DOCK3: variants seen among roughly 807,000 people sequenced by gnomAD.
DOCK3 encodes the protein dedicator of cytokinesis 3.
In DOCK3, 60 loss-of-function variants were observed where a neutral mutation model predicts 265.6. The ratio of observed to expected loss-of-function variants is 0.23; its 90% CI spans 0.18 to 0.28. The LOEUF (loss-of-function observed/expected upper bound fraction) is 0.28. Among genes scored for constraint, DOCK3 ranks in the 10% least tolerant of loss-of-function variants. The probability of loss-of-function intolerance (pLI) is 1.00; values close to 1 mark genes in which losing one functional copy is unlikely to be tolerated. For missense variants in DOCK3, 1,981 were observed against 2,594.3 expected (o/e 0.76, Z 5.14); for synonymous variants, 881 against 938.0 (o/e 0.94, Z 1.11).
intron 4 of DOCK3, chr3:50,901,035 G>A (rs899451975): frequency 3.0e-6 from 1 of 335,076 alleles, no homozygotes; most frequent in South Asian, 2.3e-5. Context: ...CTTCAGAACA[G>A]ACAGGCTGGA....
intron 9 of DOCK3, among the ~76,000 whole-genome samples, chr3:51,107,083 G>A (rs1265729410): frequency 6.6e-6 from 1 of 152,090 alleles, no homozygotes; most frequent in African/African-American, 2.4e-5. Flanking sequence ...CATTATAGAA[G>A]TCCTGAGCTG....
At position 50,972,004 on chromosome 3, in the gene DOCK3, C is replaced by G. The variant is rs9879725; in HGVS notation, c.315+37927C>G. ...CCCTGTCATGCTCTTGTCCAGTGCT[C>G]GGAACACTCAGATTGGACAGACAAT... On this transcript the variant is annotated intron_variant, in intron 5 of 52. Transcript: ENST00000266037. Among the ~76,000 whole-genome samples the G allele has an allele frequency of 1.3e-3, 193 of 152,286 alleles. 1 individual carries two copies. The highest frequency in any genetic ancestry group is 1.9e-3 in the Non-Finnish European group (130 of 68,020).
At chr3:51,008,667 G>C (rs1201608738) in intron 5 of DOCK3, among the ~76,000 whole-genome samples, 1 of 152,088 alleles carries the variant, frequency 6.6e-6, no homozygotes, top group Non-Finnish European at 1.5e-5. Context: ...ACACTATGTT[G>C]ACTAGAGAGG....
chr3:51,178,354 A>G (rs1353380768), intron 12 of DOCK3, among the ~76,000 whole-genome samples: 1 of 152,164 alleles, frequency 6.6e-6, no homozygotes, highest in Non-Finnish European at 1.5e-5. Context: ...ATGGCATGTG[A>G]CATCACCACT....
intron 5 of DOCK3, among the ~76,000 whole-genome samples, chr3:50,959,170 A>T (rs1392431216): frequency 1.3e-5 from 2 of 152,172 alleles, no homozygotes; most frequent in African/African-American, 4.8e-5. Flanking sequence ...AGACTTTTGC[A>T]TCTAGCATCT....
chr3:50,955,184 A>C (rs769307419), intron 5 of DOCK3, among the ~76,000 whole-genome samples: 8 of 152,190 alleles, frequency 5.3e-5, no homozygotes, highest in Non-Finnish European at 1.2e-4. Context: ...AAAAAAAGTA[A>C]CAGATGCTGG....
intron 10 of DOCK3, among the ~76,000 whole-genome samples, chr3:51,156,626 T>TAATTAGAAATAA (rs2085864517): frequency 6.6e-6 from 1 of 152,244 alleles, no homozygotes; most frequent in Admixed American, 6.5e-5. Flanking sequence ...AATATTTTCT[T>TAATTAGAAATAA]GCACTAATTA....
chr3:51,280,194 A>G lies in DOCK3; in HGVS notation c.2912A>G (p.Asp971Gly). The G allele has an allele frequency of 6.2e-7, 1 of 1,613,610 alleles. No individual in the cohort carries two copies. ...QHLLDNFQSK[D>G]ELKEFLLKIF... ...CTCCTGGACAACTTCCAGAGCAAAG[A>G]TGAACTCAAGGTAGGCAGTAGAACA... Residue 971 changes from aspartate (D) to glycine (G), a missense_variant, in exon 27 of 53, where the codon GAT becomes GGT. Physicochemically the swap from Asp to Gly is moderately conservative, Grantham distance 94. Around this residue, in one of 4 missense-constraint regions of DOCK3, gnomAD observed 1,357 missense variants for 1,866.8 expected, o/e 0.73. Coordinates refer to ENST00000266037, the MANE Select transcript of DOCK3 (RefSeq NM_004947.5).
At chr3:51,144,060 T>G (rs1237491622) in intron 9 of DOCK3, among the ~76,000 whole-genome samples, 2 of 152,230 alleles carry the variant, frequency 1.3e-5, no homozygotes, top group Non-Finnish European at 2.9e-5. Flanking sequence ...CAAGGCTTAG[T>G]TTTTTTCATA....
At chr3:51,026,944 G>A (rs142851874) in intron 5 of DOCK3, among the ~76,000 whole-genome samples, 1 of 151,360 alleles carries the variant, frequency 6.6e-6, no homozygotes, top group Non-Finnish European at 1.5e-5. Flanking sequence ...GTATGGTTTT[G>A]TTGGTTGCTA....
At chr3:51,024,620 ACAGGCACC>A in intron 5 of DOCK3, among the ~76,000 whole-genome samples, 1 of 152,218 alleles carries the variant, frequency 6.6e-6, no homozygotes, top group Non-Finnish European at 1.5e-5. Flanking sequence ...TTCAGATCAG[ACAGGCACC>A]TCTTCTTTAG....
At chr3:50,818,675 G>A (rs1233665942) in intron 2 of DOCK3, among the ~76,000 whole-genome samples, 1 of 152,240 alleles carries the variant, frequency 6.6e-6, no homozygotes, top group Admixed American at 6.5e-5. Context: ...GGGACAGGAA[G>A]GGAGAGGGGA....
At chr3:51,325,217 A>G (rs1355536210) in intron 32 of DOCK3, among the ~76,000 whole-genome samples, 3 of 152,048 alleles carry the variant, frequency 2.0e-5, no homozygotes, top group Non-Finnish European at 1.5e-5. Flanking sequence ...TAAATTTACA[A>G]GAAAAAAAAA....
intron 1 of DOCK3, among the ~76,000 whole-genome samples, chr3:50,742,270 A>C (rs1474088755): frequency 1.3e-5 from 2 of 152,078 alleles, no homozygotes; most frequent in African/African-American, 4.8e-5. Context: ...AAAACTGGAA[A>C]CTCTAAAAAG....
rs1417114529 is a variant in DOCK3 at position 51,244,754 on chromosome 3, T to G, written c.2103-1972T>G. ...TCAAAAGTGAGGATTCTTATCTTAT[T>G]TCTGATCTTAGAGGAAATGCTTTCA... On this transcript the variant is annotated intron_variant, in intron 21 of 52. Coordinates refer to ENST00000266037, the MANE Select transcript of DOCK3 (RefSeq NM_004947.5). Among the ~76,000 whole-genome samples, 5 of 152,386 alleles carry G rather than the reference T, an allele frequency of 3.3e-5. No individual in the cohort carries two copies. In the East Asian group the frequency reaches 5.8e-4, roughly 18 times the overall value.
intron 9 of DOCK3, among the ~76,000 whole-genome samples, chr3:51,133,399 C>T (rs1432119740): frequency 8.2e-5 from 12 of 146,552 alleles, no homozygotes; most frequent in Admixed American, 2.9e-4. Flanking sequence ...CACCTATGAG[C>T]GAGAACATGC....
At chr3:50,858,121 C>T (rs1290035692) in intron 3 of DOCK3, among the ~76,000 whole-genome samples, 1 of 152,144 alleles carries the variant, frequency 6.6e-6, no homozygotes, top group East Asian at 1.9e-4. Flanking sequence ...GGTTCATGTC[C>T]TTTGCAGAGA....
chr3:51,284,009 A>T (rs1448005920), intron 27 of DOCK3, among the ~76,000 whole-genome samples: 1 of 151,868 alleles, frequency 6.6e-6, no homozygotes, highest in East Asian at 2.0e-4. Context: ...TTCGTGAGTT[A>T]AAGGGACAGG....
At chr3:50,883,265 A>T (rs933258679) in intron 3 of DOCK3, among the ~76,000 whole-genome samples, 2 of 147,974 alleles carry the variant, frequency 1.4e-5, no homozygotes, top group Non-Finnish European at 3.0e-5. Flanking sequence ...TTGAAGTATT[A>T]AAAAAAAAAG....
Sources: gnomAD v4.1 joint callset for allele counts (sites outside exome capture counted in the v4.1 genomes callset) on GRCh38, gnomAD v4.1.1 for gene constraint, gnomAD v4.1.1 regional missense constraint, MANE v1.5 for transcripts, NCBI Gene and HGNC (gene_info 2026-07-23, HGNC 2026-07-21) for gene names.